Variants in CSRP2 observed in about 807,000 individuals in gnomAD.
The protein encoded by CSRP2 is cysteine and glycine rich protein 2, also known as cysteine and glycine-rich protein 2.
Under a neutral mutation model 24.6 loss-of-function variants are expected in CSRP2, and 18 were observed. The ratio of observed to expected loss-of-function variants is 0.73; its 90% confidence interval spans 0.51 to 1.09. CSRP2 has a LOEUF of 1.09. Among genes scored for constraint, CSRP2 ranks in the 50% least tolerant of loss-of-function variants. CSRP2 has a pLI of 0.00. For missense variants in CSRP2, 215 were observed against 239.4 expected, an observed-to-expected ratio of 0.90 and a Z score of 0.67; for synonymous variants, 87 against 84.3, an observed-to-expected ratio of 1.03 and a Z score of -0.18.
intron 1 of CSRP2, among the ~76,000 whole-genome samples, chr12:76,877,964 AC>A (rs200315031): frequency 0.29 from 14,874 of 50,968 alleles, 841 homozygotes; most frequent in Non-Finnish European, 0.34. Flanking sequence ...CCCCCGCCCC[AC>A]CCCCCCACCC....
chr12:76,872,372 G>A (rs1953808116), intron 1 of CSRP2, among the ~76,000 whole-genome samples: 1 of 152,192 alleles, frequency 6.6e-6, no homozygotes, highest in Admixed American at 6.5e-5. Context: ...AATTATTTTA[G>A]GCAGATAGAG....
intron 1 of CSRP2, among the ~76,000 whole-genome samples, chr12:76,875,837 AAAGT>A (rs1953846838): frequency 6.6e-6 from 1 of 152,238 alleles, no homozygotes. Flanking sequence ...CATAACAACT[AAAGT>A]AAGCACTACC....
chr12:76,877,978 CA>C (rs201619745), intron 1 of CSRP2, among the ~76,000 whole-genome samples: 134 of 109,720 alleles, frequency 1.2e-3, no homozygotes, highest in African/African-American at 3.8e-3. Flanking sequence ...CCCCACCCCC[CA>C]AAAAAAATTC....
At chr12:76,875,182 T>C (rs975747084) in intron 1 of CSRP2, among the ~76,000 whole-genome samples, 1 of 152,082 alleles carries the variant, frequency 6.6e-6, no homozygotes, top group Non-Finnish European at 1.5e-5. Context: ...CAACTAGCGG[T>C]CAGTAAGTGG....
At chr12:76,859,069 T>G (rs1278990334) in intron 5 of CSRP2, 41 bp from the exon 6 acceptor site, 1 of 1,575,878 alleles carries the variant, frequency 6.3e-7, no homozygotes, top group Non-Finnish European at 8.7e-7. Context: ...TGCAAGTCCA[T>G]TAAGCTTTGC....
intron 5 of CSRP2, 147 bp downstream of exon 5, chr12:76,859,400 T>C: frequency 3.2e-6 from 2 of 627,612 alleles, no homozygotes; most frequent in Non-Finnish European, 5.6e-6. Flanking sequence ...TGTGGTTCTC[T>C]GTCATCTATA....
At chr12:76,870,464 C>T (rs974323221) in intron 1 of CSRP2, among the ~76,000 whole-genome samples, 1 of 152,178 alleles carries the variant, frequency 6.6e-6, no homozygotes, top group Non-Finnish European at 1.5e-5. Flanking sequence ...CAGGAAATAC[C>T]TATCAAAGTT....
At chr12:76,869,833 A>G (rs1434636126) in intron 1 of CSRP2, among the ~76,000 whole-genome samples, 1 of 152,334 alleles carries the variant, frequency 6.6e-6, no homozygotes, top group Middle Eastern at 3.4e-3. Context: ...AGAGTGAAAC[A>G]TAAGCCTGGC....
Position 76,871,502 on chromosome 12 carries a change from G to A in CSRP2, c.-1-5241C>T, listed in dbSNP as rs147466520. Among the ~76,000 whole-genome samples, 38 of 152,300 alleles carry A rather than the reference G, an allele frequency of 2.5e-4. No homozygotes were observed. The East Asian group carries it at 2.5e-3, about 10-fold the overall frequency. ...AAACAAAGTTCAAGCCGGATGCGGT[G>A]GCTCACGCCTGTAATCCCAGCACTT... On this transcript the variant is annotated intron_variant, in intron 1 of 5. Coordinates refer to ENST00000311083, the MANE Select transcript of CSRP2 (RefSeq NM_001321.3).
chr12:76,875,836 TA>T (rs1437820017), intron 1 of CSRP2, among the ~76,000 whole-genome samples: 3 of 152,202 alleles, frequency 2.0e-5, no homozygotes, highest in Non-Finnish European at 4.4e-5. Context: ...TCATAACAAC[TA>T]AAGTAAGCAC....
chr12:76,866,472 ATTTT>A (rs34861040), intron 1 of CSRP2, among the ~76,000 whole-genome samples: 1 of 149,912 alleles, frequency 6.7e-6, no homozygotes, highest in African/African-American at 2.5e-5. Flanking sequence ...CGTGCACAAG[ATTTT>A]TTTTTTTTCC....
rs1953879252 is a variant in CSRP2 at position 76,878,980 on chromosome 12, A to G, written c.-44T>C. ...GCACGTACCGCAGGCGGAGCTAGCG[A>G]GGCTGGGCTGGAGGGAGGGTCCAGG... On this transcript the variant is annotated 5_prime_UTR_variant, in exon 1 of 6. Coordinates refer to ENST00000311083, the MANE Select transcript of CSRP2 (RefSeq NM_001321.3). The G allele has an allele frequency of 6.6e-6, 1 of 152,126 alleles. No homozygotes were observed. Among genetic ancestry groups the G allele is most frequent in the South Asian group, 2.1e-4 (1 of 4,834 alleles). 9.4% of individuals were successfully genotyped at this position (152,126 alleles called of 1,614,324 possible).
intron 3 of CSRP2, chr12:76,862,919 C>T: frequency 1.1e-5 from 17 of 1,517,952 alleles, no homozygotes; most frequent in Admixed American, 2.2e-5. Flanking sequence ...ATACAAATCA[C>T]TTGCTTTTGA....
rs1371733041 is a variant in CSRP2 at position 76,858,799 on chromosome 12, C to G, written c.*153G>C. 6.6e-6 allele frequency: 4 copies of G among 607,332 alleles called. No homozygotes were observed. Among genetic ancestry groups the G allele is most frequent in the Non-Finnish European group, 1.2e-5 (4 of 337,228 alleles). The allele number at this position is 607,332 out of a possible 1,614,324, so 37.6% of individuals were successfully genotyped here. ...AAGCAAAAGGATACCATACAGTGCT[C>G]TCTTCCTACGAGTTAGCCAGCCTAT... On this transcript the variant is annotated 3_prime_UTR_variant, in exon 6 of 6. Coordinates refer to ENST00000311083, the MANE Select transcript of CSRP2 (RefSeq NM_001321.3).
intron 3 of CSRP2, chr12:76,862,628 A>C (rs753551044): frequency 1.3e-6 from 1 of 784,412 alleles, no homozygotes; most frequent in Non-Finnish European, 1.8e-6. Flanking sequence ...ACTTTCACAA[A>C]TTTAGCACCT....
intron 3 of CSRP2, chr12:76,861,515 A>G (rs1953678604): frequency 6.6e-6 from 1 of 152,106 alleles, no homozygotes; most frequent in Non-Finnish European, 1.5e-5. Flanking sequence ...GGATTTTGAA[A>G]GGTTTTCAAC....
intron 1 of CSRP2, among the ~76,000 whole-genome samples, chr12:76,875,348 A>C (rs1953842993): frequency 6.6e-6 from 1 of 152,068 alleles, no homozygotes; most frequent in South Asian, 2.1e-4. Flanking sequence ...CATTCTTACT[A>C]CTTCTGTATT....
At chr12:76,868,937 G>GAAAAAAAA (rs980686297) in intron 1 of CSRP2, among the ~76,000 whole-genome samples, 1 of 61,240 alleles carries the variant, frequency 1.6e-5, no homozygotes, top group African/African-American at 5.5e-5. Context: ...CGCCTCAAAA[G>GAAAAAAAA]AAAAAAAAAA....
chr12:76,871,725 C>T (rs1281013275), intron 1 of CSRP2, among the ~76,000 whole-genome samples: 2 of 149,122 alleles, frequency 1.3e-5, no homozygotes, highest in Admixed American at 1.3e-4. Context: ...GATAGTGCCA[C>T]TGCAGTCCCG....
Sources: allele counts gnomAD v4.1 joint callset (sites outside exome capture counted in the v4.1 genomes callset), GRCh38; gene constraint gnomAD v4.1.1; transcripts MANE v1.5; gene names NCBI Gene and HGNC (gene_info 2026-07-23, HGNC 2026-07-21).